Variants in TBC1D14 observed in about 807,000 individuals in gnomAD.
TBC1D14 encodes the protein TBC1 domain family, member 14.
A neutral mutation model predicts 79.0 loss-of-function variants in TBC1D14; 26 were observed. That is an observed-to-expected ratio of 0.33 (90% confidence interval 0.24 to 0.46). The LOEUF is 0.46. TBC1D14 is among the 20% of genes least tolerant of loss of function. TBC1D14 has a pLI of 1.00. For synonymous variants in TBC1D14, 394 were observed against 349.9 expected (o/e 1.13, Z -1.40); for missense variants, 769 against 887.6 (o/e 0.87, Z 1.70).
In TBC1D14 at chr4:7,004,917, G is replaced by A. The variant is rs893509475; in HGVS notation, c.1344G>A (p.Glu448=). The part of the protein sequence containing the change: ...RSLSTGGSEV[E]NEDAGFSAAD... ...TTAGCACAGGAGGCTCTGAAGTGGA[G>A]AACGAAGGTAGAATGTCTTCTAAAA... The change falls in exon 8 of 14, where the codon GAG becomes GAA. Residue 448 remains glutamate (E), a synonymous_variant. Coordinates refer to ENST00000409757, the MANE Select transcript of TBC1D14 (RefSeq NM_020773.3). 6.2e-7 allele frequency: 1 copy of A among 1,614,022 alleles called. No individual in the cohort carries two copies. The highest frequency in any genetic ancestry group is 8.5e-7 in the Non-Finnish European group (1 of 1,179,988).
chr4:6,932,969 T>G (rs922506593), intron 2 of TBC1D14, among the ~76,000 whole-genome samples: 15 of 152,182 alleles, frequency 9.9e-5, no homozygotes, highest in Admixed American at 3.9e-4. Context: ...GGCTAAGGAA[T>G]TGTCTGCTTC....
chr4:6,941,546 A>G (rs542668677), intron 2 of TBC1D14, among the ~76,000 whole-genome samples: 60 of 152,082 alleles, frequency 3.9e-4, no homozygotes, highest in Admixed American at 6.6e-4. Context: ...TCCTGTGGGG[A>G]AGGCAGACAC....
At position 6,923,831 on chromosome 4, in the gene TBC1D14, C is replaced by T. The variant is rs1184820744; in HGVS notation, c.442C>T (p.Leu148=). The T allele has an allele frequency of 1.2e-6, 2 of 1,614,214 alleles. No individual in the cohort carries two copies. Among genetic ancestry groups the T allele is most frequent in the African/African-American group, 1.3e-5 (1 of 75,068 alleles). The change falls in exon 2 of 14, where the codon CTG becomes TTG. Residue 148 remains leucine (L), a synonymous_variant. Transcript: ENST00000409757. The part of the protein sequence containing the change: ...VKLYSPTSKA[L]TRSDDVSVCS... The stretch of plus-strand genomic sequence containing the variant: ...GCTCTATAGCCCGACCTCCAAAGCC[C>T]TGACCCGCAGCGATGATGTCTCCGT...
chr4:6,971,724 T>TA (rs2109062702), intron 3 of TBC1D14, among the ~76,000 whole-genome samples: 1 of 152,304 alleles, frequency 6.6e-6, no homozygotes, highest in East Asian at 1.9e-4. Context: ...TCTCGGGCCT[T>TA]ACTCCAGACA....
intron 3 of TBC1D14, among the ~76,000 whole-genome samples, chr4:6,981,895 A>C (rs1191636342): frequency 6.6e-6 from 1 of 152,240 alleles, no homozygotes; most frequent in African/African-American, 2.4e-5. Context: ...CATCTACAGG[A>C]AACAGCTACA....
At chr4:6,936,251 C>T (rs540986555) in intron 2 of TBC1D14, among the ~76,000 whole-genome samples, 2 of 152,292 alleles carry the variant, frequency 1.3e-5, no homozygotes, top group South Asian at 2.1e-4. Flanking sequence ...ATGTATCTGC[C>T]GTGGCCGTAT....
At chr4:7,007,451 T>G (rs1720316158) in intron 9 of TBC1D14, 2 of 967,612 alleles carry the variant, frequency 2.1e-6, no homozygotes, top group Admixed American at 5.2e-5. Context: ...TATAACGGGT[T>G]TTTGCGGGGG....
At chr4:7,025,962 T>C (rs781067240) in intron 13 of TBC1D14, among the ~76,000 whole-genome samples, 1 of 152,220 alleles carries the variant, frequency 6.6e-6, no homozygotes, top group Non-Finnish European at 1.5e-5. Context: ...CACTCTGCAT[T>C]GGTTTGAAGT....
chr4:6,934,188 G>C (rs983486871), intron 2 of TBC1D14, among the ~76,000 whole-genome samples: 1 of 151,992 alleles, frequency 6.6e-6, no homozygotes, highest in Non-Finnish European at 1.5e-5. Flanking sequence ...GGAAACAGGC[G>C]GACAGAGAAG....
intron 11 of TBC1D14, among the ~76,000 whole-genome samples, chr4:7,012,268 C>G (rs1387188377): frequency 1.3e-5 from 2 of 150,052 alleles, no homozygotes; most frequent in Non-Finnish European, 2.9e-5. Flanking sequence ...CGCCACTGCA[C>G]TCCAGCCTGG....
intron 2 of TBC1D14, among the ~76,000 whole-genome samples, chr4:6,926,899 C>A (rs1724337151): frequency 6.6e-6 from 1 of 152,236 alleles, no homozygotes; most frequent in Admixed American, 6.5e-5. Context: ...TCTGAGCCAT[C>A]CTGTTTCCCC....
At chr4:6,982,830 A>C (rs895769292) in intron 3 of TBC1D14, among the ~76,000 whole-genome samples, 2 of 152,208 alleles carry the variant, frequency 1.3e-5, no homozygotes, top group Admixed American at 1.3e-4. Context: ...AGTGTGGTCT[A>C]TGTGGCTAAA....
At chr4:6,920,161 C>G (rs1487624344) in intron 1 of TBC1D14, among the ~76,000 whole-genome samples, 1 of 152,182 alleles carries the variant, frequency 6.6e-6, no homozygotes, top group Admixed American at 6.5e-5. Flanking sequence ...GAGTCTATTT[C>G]TGAATTCTGC....
chr4:6,957,336 G>A (rs1011128398), intron 2 of TBC1D14, among the ~76,000 whole-genome samples: 15 of 152,350 alleles, frequency 9.8e-5, no homozygotes, highest in Admixed American at 7.8e-4. Flanking sequence ...TTCCATGGGA[G>A]CAGGCGCTCC....
chr4:6,915,577 T>C lies in TBC1D14; in HGVS notation c.-18+5626T>C, dbSNP rs775410799. 2.0e-5 allele frequency among the ~76,000 whole-genome samples: 3 copies of C among 152,122 alleles called. No individual in the cohort carries two copies. In the South Asian group the frequency reaches 6.2e-4, roughly 32 times the overall value. ...CTTGGGCAGGCTGCATGCCTCGGTT[T>C]CCTCCTCTGGGTAATGGGCATACTA... On this transcript the variant is annotated intron_variant, in intron 1 of 13. Coordinates refer to ENST00000409757, the MANE Select transcript of TBC1D14 (RefSeq NM_020773.3).
chr4:6,913,709 C>T (rs542722044), intron 1 of TBC1D14, among the ~76,000 whole-genome samples: 30 of 152,324 alleles, frequency 2.0e-4, no homozygotes, highest in African/African-American at 7.2e-4. Context: ...TTTAAGTAGT[C>T]TAAATATCTT....
chr4:6,935,123 C>A (rs541109265), intron 2 of TBC1D14, among the ~76,000 whole-genome samples: 1 of 152,054 alleles, frequency 6.6e-6, no homozygotes, highest in Non-Finnish European at 1.5e-5. Flanking sequence ...CCCAAAGAGA[C>A]TGGGAGAAGA....
intron 3 of TBC1D14, among the ~76,000 whole-genome samples, chr4:6,971,720 G>T: frequency 6.6e-6 from 1 of 152,094 alleles, no homozygotes; most frequent in East Asian, 1.9e-4. Context: ...ACGTTCTCGG[G>T]CCTTACTCCA....
In TBC1D14 at chr4:6,909,854, C is replaced by G. The variant is rs1427528220; in HGVS notation, c.-115C>G. 2.0e-5 allele frequency: 3 copies of G among 148,198 alleles called. No homozygotes were observed. Among genetic ancestry groups the G allele is most frequent in the Non-Finnish European group, 4.5e-5 (3 of 66,422 alleles). 9.2% of individuals were successfully genotyped at this position (148,198 alleles called of 1,614,324 possible). On this transcript the variant is annotated 5_prime_UTR_variant, in exon 1 of 14. Coordinates refer to ENST00000409757, the MANE Select transcript of TBC1D14 (RefSeq NM_020773.3). ...TGCGGGTCGGACCCGCTGCCTACCG[C>G]GTGCCCGGCGTCCTCGTCGCGCGAG... is the stretch of plus-strand genomic sequence containing the variant.
Sources: allele counts gnomAD v4.1 joint callset (sites outside exome capture counted in the v4.1 genomes callset), GRCh38; gene constraint gnomAD v4.1.1; transcripts MANE v1.5; gene names NCBI Gene and HGNC (gene_info 2026-07-23, HGNC 2026-07-21).